Variants in CDH13 observed in about 807,000 individuals in gnomAD.
CDH13 encodes the protein cadherin 13.
In CDH13, 24 loss-of-function variants were observed where a neutral mutation model predicts 63.8. That is an observed-to-expected ratio of 0.38 (90% CI 0.27 to 0.53). CDH13 has a LOEUF of 0.53. CDH13 is among the 20% of genes least tolerant of loss of function. CDH13 has a pLI of 0.85. For synonymous variants in CDH13, 503 were observed against 355.3 expected, an observed-to-expected ratio of 1.42 and a Z score of -4.67; for missense variants, 1,049 against 903.1, an observed-to-expected ratio of 1.16 and a Z score of -2.07.
At chr16:83,249,267 A>G (rs775088310) in intron 5 of CDH13, among the ~76,000 whole-genome samples, 1 of 152,182 alleles carries the variant, frequency 6.6e-6, no homozygotes, top group African/African-American at 2.4e-5. Context: ...GCCAGCTCAT[A>G]CCAGCTTTCG....
chr16:82,993,696 T>C (rs561030235), intron 2 of CDH13, among the ~76,000 whole-genome samples: 1 of 152,250 alleles, frequency 6.6e-6, no homozygotes, highest in Admixed American at 6.5e-5. Flanking sequence ...GAACACGTGT[T>C]ACACCTCTGG....
intron 10 of CDH13, among the ~76,000 whole-genome samples, chr16:83,692,025 C>T (rs547167742): frequency 3.5e-4 from 53 of 152,244 alleles, no homozygotes; most frequent in South Asian, 1.0e-3. Flanking sequence ...AAGAAATTCA[C>T]ACTCAGATTC....
intron 7 of CDH13, among the ~76,000 whole-genome samples, chr16:83,510,703 C>A (rs955159515): frequency 1.3e-5 from 2 of 152,190 alleles, no homozygotes; most frequent in African/African-American, 2.4e-5. Flanking sequence ...CCTTGTCCAC[C>A]TACTTCTAGA....
At chr16:83,416,936 C>G (rs75467074) in intron 6 of CDH13, among the ~76,000 whole-genome samples, 5,649 of 152,050 alleles carry the variant, frequency 0.037, 120 homozygotes, top group East Asian at 0.12. Flanking sequence ...GAACAGTGCC[C>G]GGCACATGTT....
intron 8 of CDH13, among the ~76,000 whole-genome samples, chr16:83,660,526 A>G (rs1359559523): frequency 6.6e-6 from 1 of 152,204 alleles, no homozygotes; most frequent in Non-Finnish European, 1.5e-5. Flanking sequence ...TGGCTCTCCC[A>G]CAGCTCACCT....
At chr16:83,025,739 A>G (rs2151462583) in intron 2 of CDH13, among the ~76,000 whole-genome samples, 1 of 152,276 alleles carries the variant, frequency 6.6e-6, no homozygotes, top group South Asian at 2.1e-4. Flanking sequence ...GGGCACGGAA[A>G]TAACAGTTGC....
intron 2 of CDH13, among the ~76,000 whole-genome samples, chr16:82,866,537 A>G (rs144625550): frequency 6.6e-6 from 1 of 151,226 alleles, no homozygotes; most frequent in African/African-American, 2.4e-5. Context: ...TACAGGCATG[A>G]GCCACCATGC....
chr16:83,247,695 T>C (rs1416198508), intron 5 of CDH13, among the ~76,000 whole-genome samples: 1 of 152,228 alleles, frequency 6.6e-6, no homozygotes, highest in African/African-American at 2.4e-5. Context: ...ATGTTAATCA[T>C]TGATACAGGA....
chr16:83,754,096 T>A (rs1913311578), intron 11 of CDH13, among the ~76,000 whole-genome samples: 2 of 152,170 alleles, frequency 1.3e-5, no homozygotes, highest in African/African-American at 4.8e-5. Context: ...CTTGAGGGGC[T>A]GCTTTTCCTC....
At chr16:83,024,230 G>A (rs963425192) in intron 2 of CDH13, among the ~76,000 whole-genome samples, 1 of 152,062 alleles carries the variant, frequency 6.6e-6, no homozygotes, top group Non-Finnish European at 1.5e-5. Context: ...TTTTTTAGTG[G>A]ATACAAGGAC....
chr16:83,343,269 T>C (rs1460312978), intron 5 of CDH13, among the ~76,000 whole-genome samples: 1 of 152,224 alleles, frequency 6.6e-6, no homozygotes, highest in East Asian at 1.9e-4. Flanking sequence ...TGTATGATGA[T>C]GCTCATGTTA....
intron 1 of CDH13, among the ~76,000 whole-genome samples, chr16:82,856,510 T>G (rs1354166614): frequency 6.6e-6 from 1 of 151,212 alleles, no homozygotes; most frequent in East Asian, 1.9e-4. Flanking sequence ...GAGAGCAGCC[T>G]GTGCAACATA....
intron 6 of CDH13, among the ~76,000 whole-genome samples, chr16:83,436,597 T>C (rs2072312504): frequency 6.6e-6 from 1 of 152,248 alleles, no homozygotes; most frequent in South Asian, 2.1e-4. Context: ...TCTGTTAGCC[T>C]TCCCTGAACT....
chr16:83,460,134 G>A (rs1461321285), intron 6 of CDH13, among the ~76,000 whole-genome samples: 1 of 152,154 alleles, frequency 6.6e-6, no homozygotes, highest in African/African-American at 2.4e-5. Flanking sequence ...AATGACTAAT[G>A]TATAAAAAAC....
chr16:83,705,148 GTAA>G (rs1419685796), intron 10 of CDH13, among the ~76,000 whole-genome samples: 1 of 152,110 alleles, frequency 6.6e-6, no homozygotes, highest in Non-Finnish European at 1.5e-5. Context: ...GTCATTTGAG[GTAA>G]TCATTCTTAT....
rs1428882471 is a variant in CDH13, at chr16:83,362,899, T to C, written c.781+17893T>C. On this transcript the variant is annotated intron_variant, in intron 6 of 13. Coordinates refer to ENST00000567109, the MANE Select transcript of CDH13 (RefSeq NM_001257.5). ...GATGCAACAGGCAAGCATCAAAAACTGTGGTGGGGTTTCAGCTGGAAGTGT... is the reference window on the plus strand; with the variant it reads ...GATGCAACAGGCAAGCATCAAAAACCGTGGTGGGGTTTCAGCTGGAAGTGT... Among the ~76,000 whole-genome samples, 3 of 152,182 alleles carry C rather than the reference T, an allele frequency of 2.0e-5. No individual in the cohort carries two copies. In the East Asian group the frequency reaches 5.8e-4, roughly 29 times the overall value.
chr16:83,082,006 G>T (rs937530244), intron 3 of CDH13, among the ~76,000 whole-genome samples: 1 of 151,974 alleles, frequency 6.6e-6, no homozygotes, highest in African/African-American at 2.4e-5. Context: ...CTTCATGTTG[G>T]TCAGGCTGGT....
Position 82,700,520 on chromosome 16 carries a change from AGTGTGTGT to A in CDH13, c.45+73402_45+73409del, listed in dbSNP as rs5818398. On this transcript the variant is annotated intron_variant, in intron 1 of 13. Coordinates refer to ENST00000567109, the MANE Select transcript of CDH13 (RefSeq NM_001257.5). ...GAAGATACAAGAATTAGGGCTAGTA[AGTGTGTGT>A]GTGTGTGTGTGTGTGTGTCTGTGTG... Among the ~76,000 whole-genome samples, 424 of 150,902 alleles carry A rather than the reference AGTGTGTGT, an allele frequency of 2.8e-3. 4 individuals are homozygous for A. The highest frequency in any genetic ancestry group is 4.2e-3 in the Non-Finnish European group (282 of 67,652).
chr16:83,107,045 C>T (rs2034803093), intron 3 of CDH13, among the ~76,000 whole-genome samples: 2 of 152,164 alleles, frequency 1.3e-5, no homozygotes, highest in African/African-American at 4.8e-5. Context: ...CACACACACA[C>T]ATTTGAAAAA....
Sources: gnomAD v4.1 joint callset for allele counts (sites outside exome capture counted in the v4.1 genomes callset) on GRCh38, gnomAD v4.1.1 for gene constraint, MANE v1.5 for transcripts, NCBI Gene and HGNC (gene_info 2026-07-23, HGNC 2026-07-21) for gene names.